The following ADAMTSL1 variants were observed in gnomAD, a reference collection of about 807,000 sequenced individuals.
The protein encoded by ADAMTSL1 is ADAMTS-like protein 1.
In ADAMTSL1, 126 loss-of-function variants were observed where a neutral mutation model predicts 201.8. The ratio of observed to expected loss-of-function variants is 0.62; its 90% CI spans 0.54 to 0.72. ADAMTSL1 has a LOEUF of 0.72. Among genes scored for constraint, ADAMTSL1 ranks in the 30% least tolerant of loss-of-function variants. The pLI is 0.00. For missense variants in ADAMTSL1, 2,679 were observed against 2,277.8 expected (o/e 1.18, Z -3.59); for synonymous variants, 1,121 against 903.4 (o/e 1.24, Z -4.32).
chr9:17,973,905 G>C (rs1425541387), intron 1 of ADAMTSL1, among the ~76,000 whole-genome samples: 1 of 150,300 alleles, frequency 6.7e-6, no homozygotes, highest in Non-Finnish European at 1.5e-5. Flanking sequence ...GGATTTCTAG[G>C]TATTTTATTC....
intron 2 of ADAMTSL1, among the ~76,000 whole-genome samples, chr9:18,518,836 G>C (rs1211908266): frequency 2.0e-5 from 3 of 152,276 alleles, no homozygotes; most frequent in East Asian, 3.9e-4. Context: ...AGCCTCCTGA[G>C]TGCTGGGATT....
chr9:18,750,865 C>A (rs1168284765), intron 15 of ADAMTSL1, among the ~76,000 whole-genome samples: 2 of 152,178 alleles, frequency 1.3e-5, no homozygotes, highest in African/African-American at 4.8e-5. Context: ...CAAGTTGATG[C>A]TGATTATTGG....
intron 2 of ADAMTSL1, among the ~76,000 whole-genome samples, chr9:18,385,056 A>G (rs1837735128): frequency 1.3e-5 from 2 of 152,182 alleles, no homozygotes; most frequent in African/African-American, 2.4e-5. Context: ...AGACATAAAT[A>G]CTGTGCTTCC....
intron 2 of ADAMTSL1, among the ~76,000 whole-genome samples, chr9:18,200,532 A>C (rs1167807998): frequency 1.3e-5 from 2 of 152,086 alleles, no homozygotes; most frequent in East Asian, 3.9e-4. Context: ...TTCTTAGTCT[A>C]TACTATCATT....
chr9:18,654,104 C>T (rs1477047292), intron 7 of ADAMTSL1, among the ~76,000 whole-genome samples: 3 of 152,206 alleles, frequency 2.0e-5, no homozygotes, highest in Non-Finnish European at 4.4e-5. Context: ...TGGTGGACAC[C>T]TATAATACCA....
At chr9:18,871,412 T>C (rs1395525254) in intron 23 of ADAMTSL1, among the ~76,000 whole-genome samples, 1 of 152,176 alleles carries the variant, frequency 6.6e-6, no homozygotes, top group African/African-American at 2.4e-5. Context: ...TATCTCTTCT[T>C]CCTTCTTCAA....
intron 1 of ADAMTSL1, among the ~76,000 whole-genome samples, chr9:18,503,468 C>T (rs2131923134): frequency 7.7e-6 from 1 of 129,656 alleles, no homozygotes; most frequent in African/African-American, 2.8e-5. Flanking sequence ...TATTCATCCA[C>T]TCATGGACAT....
chr9:18,478,859 T>C (rs949735044), intron 1 of ADAMTSL1, among the ~76,000 whole-genome samples: 7 of 152,202 alleles, frequency 4.6e-5, no homozygotes, highest in Non-Finnish European at 1.0e-4. Flanking sequence ...CTTTCTTCTT[T>C]TAGAGAGCTG....
rs937790075 is a variant in ADAMTSL1 at position 18,533,769 on chromosome 9, G to C, written c.237+477G>C. ...TTTAAACATCTGTAGTATAGTAAGA[G>C]GTATAGAGAAAGAAGACAGATGTGC... On this transcript the variant is annotated intron_variant, in intron 3 of 28. Transcript: ENST00000380548. Among the ~76,000 whole-genome samples the C allele has an allele frequency of 2.6e-5, 4 of 152,272 alleles. No individual in the cohort carries two copies. The East Asian group carries it at 7.7e-4, about 29-fold the overall frequency.
At chr9:18,473,519 T>A (rs1288660434), upstream of ADAMTSL1, among the ~76,000 whole-genome samples, 1 of 152,210 alleles carries the variant, frequency 6.6e-6, no homozygotes, top group Admixed American at 6.5e-5. Context: ...ACAAAATAAC[T>A]TATGCCACTG....
At chr9:18,514,135 T>C (rs914339190) in intron 2 of ADAMTSL1, among the ~76,000 whole-genome samples, 1 of 152,184 alleles carries the variant, frequency 6.6e-6, no homozygotes, top group Admixed American at 6.5e-5. Context: ...TGGAAGGTTT[T>C]ACCATTTATT....
chr9:17,962,453 ATC>A (rs2131402097), intron 1 of ADAMTSL1, among the ~76,000 whole-genome samples: 1 of 152,282 alleles, frequency 6.6e-6, no homozygotes, highest in East Asian at 1.9e-4. Context: ...GGCATTTTTC[ATC>A]TCTCAGTACT....
At chr9:18,711,296 G>A (rs553856649) in intron 14 of ADAMTSL1, among the ~76,000 whole-genome samples, 9 of 152,352 alleles carry the variant, frequency 5.9e-5, no homozygotes, top group East Asian at 1.9e-4. Flanking sequence ...CGTGAGCTAC[G>A]CAGAAGACGG....
At chr9:18,662,641 T>C (rs1446329791) in intron 9 of ADAMTSL1, among the ~76,000 whole-genome samples, 1 of 152,212 alleles carries the variant, frequency 6.6e-6, no homozygotes, top group Non-Finnish European at 1.5e-5. Context: ...TTAAAAGGTC[T>C]TTGAAAGTAG....
chr9:18,189,196 AG>A (rs1478615725), intron 2 of ADAMTSL1, among the ~76,000 whole-genome samples: 1 of 152,136 alleles, frequency 6.6e-6, no homozygotes, highest in Non-Finnish European at 1.5e-5. Flanking sequence ...CTTCCAACTG[AG>A]GTGGGAGCTG....
intron 2 of ADAMTSL1, among the ~76,000 whole-genome samples, chr9:18,404,298 C>A (rs79249150): frequency 0.024 from 3,630 of 152,258 alleles, 128 homozygotes; most frequent in African/African-American, 0.081. Flanking sequence ...TACTTTAAGG[C>A]CTTCTTCATG....
At chr9:18,709,699 A>C (rs752818932) in intron 14 of ADAMTSL1, among the ~76,000 whole-genome samples, 7 of 152,106 alleles carry the variant, frequency 4.6e-5, no homozygotes, top group Non-Finnish European at 8.8e-5. Flanking sequence ...TCCAACTGTC[A>C]CTTCCTTGTT....
intron 21 of ADAMTSL1, among the ~76,000 whole-genome samples, chr9:18,825,385 T>C (rs1289313906): frequency 2.0e-5 from 3 of 152,014 alleles, no homozygotes; most frequent in Non-Finnish European, 4.4e-5. Flanking sequence ...GTGGAAAGAG[T>C]TGAGCACTTT....
At chr9:18,788,106 A>T (rs975616985) in intron 19 of ADAMTSL1, among the ~76,000 whole-genome samples, 1 of 152,224 alleles carries the variant, frequency 6.6e-6, no homozygotes, top group Non-Finnish European at 1.5e-5. Flanking sequence ...CATTAAAAAC[A>T]GCAAAGGTTA....
Sources: allele counts gnomAD v4.1 joint callset (sites outside exome capture counted in the v4.1 genomes callset), GRCh38; gene constraint gnomAD v4.1.1; transcripts MANE v1.5; gene names NCBI Gene and HGNC (gene_info 2026-07-23, HGNC 2026-07-21).